The following IGSF10 variants were observed in gnomAD, a reference collection of about 807,000 sequenced individuals.
IGSF10 encodes immunoglobulin superfamily member 10, also known as calvaria mechanical force protein 608.
Under a neutral mutation model 128.2 loss-of-function variants are expected in IGSF10, and 126 were observed. The observed-to-expected ratio is 0.98, with a 90% CI of 0.85 to 1.14. IGSF10 has a LOEUF of 1.14. Among genes scored for constraint, IGSF10 ranks in the 50% most tolerant of loss-of-function variants. The pLI, the probability that IGSF10 is intolerant of heterozygous loss-of-function variation, is 0.00. For synonymous variants in IGSF10, 1,185 were observed against 1,146.2 expected, an observed-to-expected ratio of 1.03 and a Z score of -0.68; for missense variants, 3,295 against 3,149.8, an observed-to-expected ratio of 1.05 and a Z score of -1.10.
At chr3:151,500,569 A>G in the IGSF10 span, among the ~76,000 whole-genome samples, 5 of 152,256 alleles carry the variant, frequency 3.3e-5, no homozygotes, top group African/African-American at 9.6e-5. Context: ...TCAGCTTTTT[A>G]AATTCATTTT....
downstream of IGSF10, chr3:151,435,655 A>C (rs1720076375): frequency 6.6e-6 from 1 of 152,174 alleles, no homozygotes; most frequent in African/African-American, 2.4e-5. Flanking sequence ...GTTTGAATAG[A>C]TGCTGGAGAA....
At chr3:151,534,730 C>T in the IGSF10 span, among the ~76,000 whole-genome samples, 2 of 151,822 alleles carry the variant, frequency 1.3e-5, no homozygotes, top group Non-Finnish European at 2.9e-5. Context: ...GTACAGCAAG[C>T]CACCACGGCA....
chr3:151,554,588 A>G, the IGSF10 span, among the ~76,000 whole-genome samples: 1 of 152,260 alleles, frequency 6.6e-6, no homozygotes, highest in East Asian at 1.9e-4. Flanking sequence ...TTTCATTTCT[A>G]TATTGCATCT....
the IGSF10 span, among the ~76,000 whole-genome samples, chr3:151,470,244 C>G: frequency 2.6e-5 from 4 of 152,140 alleles, no homozygotes; most frequent in African/African-American, 9.7e-5. Flanking sequence ...CCTTTTACAG[C>G]AACTTTCATA....
the IGSF10 span, among the ~76,000 whole-genome samples, chr3:151,508,212 A>C: frequency 6.6e-6 from 1 of 152,126 alleles, no homozygotes; most frequent in Non-Finnish European, 1.5e-5. Flanking sequence ...AGTTACTTAA[A>C]AGTTTCAAAT....
the IGSF10 span, among the ~76,000 whole-genome samples, chr3:151,505,216 G>A: frequency 6.6e-6 from 1 of 152,330 alleles, no homozygotes; most frequent in African/African-American, 2.4e-5. Flanking sequence ...CATGGCCGGG[G>A]AGGCCTCAGG....
At chr3:151,519,117 T>C in the IGSF10 span, among the ~76,000 whole-genome samples, 1 of 151,960 alleles carries the variant, frequency 6.6e-6, no homozygotes, top group Non-Finnish European at 1.5e-5. Context: ...AGTTAGCTAT[T>C]GCTACAATAA....
the IGSF10 span, among the ~76,000 whole-genome samples, chr3:151,509,796 T>C: frequency 0.3 from 45,216 of 152,142 alleles, 7,480 homozygotes; most frequent in Middle Eastern, 0.42. Flanking sequence ...ACTTTTCCAA[T>C]GGGCTTATCA....
At chr3:151,613,207 A>T in the IGSF10 span, among the ~76,000 whole-genome samples, 1 of 152,228 alleles carries the variant, frequency 6.6e-6, no homozygotes, top group South Asian at 2.1e-4. Flanking sequence ...TTCCATGCTC[A>T]TGGGTAGGAA....
chr3:151,524,228 T>C, the IGSF10 span, among the ~76,000 whole-genome samples: 4 of 152,164 alleles, frequency 2.6e-5, no homozygotes, highest in African/African-American at 9.7e-5. Flanking sequence ...TAGTGATTCC[T>C]GAAAGAGCTA....
the IGSF10 span, among the ~76,000 whole-genome samples, chr3:151,553,014 C>T: frequency 6.6e-6 from 1 of 152,106 alleles, no homozygotes; most frequent in East Asian, 1.9e-4. Context: ...CTGCCCAACC[C>T]TAATAAAATT....
chr3:151,516,831 C>T, the IGSF10 span, among the ~76,000 whole-genome samples: 10 of 152,082 alleles, frequency 6.6e-5, no homozygotes, highest in Admixed American at 5.9e-4. Context: ...ATACCATTTT[C>T]TAATCACTAA....
chr3:151,449,383 G>T (rs1560179486), intron 5 of IGSF10, 118 bp from the exon 6 acceptor site: 3 of 1,016,814 alleles, frequency 3.0e-6, no homozygotes, highest in Non-Finnish European at 4.2e-6. Flanking sequence ...AGTGTTCAAT[G>T]GAAAGTTTTC....
chr3:151,508,299 G>A, the IGSF10 span, among the ~76,000 whole-genome samples: 1 of 152,102 alleles, frequency 6.6e-6, no homozygotes, highest in African/African-American at 2.4e-5. Context: ...TTTATGGAAA[G>A]TTTTTATGAG....
At chr3:151,569,243 T>C in the IGSF10 span, among the ~76,000 whole-genome samples, 1 of 152,154 alleles carries the variant, frequency 6.6e-6, no homozygotes, top group South Asian at 2.1e-4. Flanking sequence ...GGCAAAGTTT[T>C]GTAGTTTTAG....
chr3:151,505,135 T>A, the IGSF10 span, among the ~76,000 whole-genome samples: 1 of 152,330 alleles, frequency 6.6e-6, no homozygotes, highest in East Asian at 1.9e-4. Flanking sequence ...TTCGTTCTCA[T>A]GCTGCTATGA....
the IGSF10 span, among the ~76,000 whole-genome samples, chr3:151,544,105 C>T: frequency 6.6e-6 from 1 of 152,170 alleles, no homozygotes; most frequent in East Asian, 1.9e-4. Context: ...GAAGGGGTTT[C>T]CCCATATTGC....
chr3:151,513,793 G>T, the IGSF10 span, among the ~76,000 whole-genome samples: 1 of 152,134 alleles, frequency 6.6e-6, no homozygotes, highest in Non-Finnish European at 1.5e-5. Context: ...CAAAATCAAT[G>T]TACAAAAATC....
At chr3:151,568,676 A>G in the IGSF10 span, among the ~76,000 whole-genome samples, 7 of 152,112 alleles carry the variant, frequency 4.6e-5, no homozygotes, top group Non-Finnish European at 8.8e-5. Context: ...TTAGTATAGC[A>G]ACACTACCCT....
Sources: allele counts gnomAD v4.1 joint callset (sites outside exome capture counted in the v4.1 genomes callset), GRCh38; gene constraint gnomAD v4.1.1; transcripts MANE v1.5; gene names NCBI Gene and HGNC (gene_info 2026-07-23, HGNC 2026-07-21).